F5: variants seen among roughly 807,000 people sequenced by gnomAD.
F5 encodes the protein coagulation factor V.
F5 carries 138 observed loss-of-function variants against 216.4 expected under a neutral mutation model. The observed-to-expected ratio is 0.64, with a 90% CI of 0.56 to 0.73. The LOEUF (loss-of-function observed/expected upper bound fraction) is 0.73, where lower values mean the gene tolerates loss of function less well. F5 is among the 30% of genes least tolerant of loss of function. The pLI, the probability that F5 is intolerant of heterozygous loss-of-function variation, is 0.00. For missense variants in F5, 2,403 were observed against 2,674.0 expected, an observed-to-expected ratio of 0.90 and a Z score of 2.24; for synonymous variants, 916 against 930.7, an observed-to-expected ratio of 0.98 and a Z score of 0.29.
At chr1:169,531,131 T>G in intron 14 of F5, 109 bp from the exon 15 acceptor site, 1 of 804,836 alleles carries the variant, frequency 1.2e-6, no homozygotes, top group Non-Finnish European at 2.1e-6. Flanking sequence ...GGAGCTAAGA[T>G]ATAAGGTACA....
chr1:169,551,843 AAGG>A (rs1252924321), intron 8 of F5, among the ~76,000 whole-genome samples: 2 of 152,186 alleles, frequency 1.3e-5, no homozygotes, highest in African/African-American at 4.8e-5. Context: ...CATGACATTT[AAGG>A]AGAATTGTCT....
intron 14 of F5, among the ~76,000 whole-genome samples, chr1:169,535,640 G>A (rs962527276): frequency 1.3e-5 from 2 of 152,076 alleles, no homozygotes; most frequent in African/African-American, 4.8e-5. Flanking sequence ...TCTGGTTTTT[G>A]ATTCCTGAGT....
intron 18 of F5, 70 bp downstream of exon 18, chr1:169,525,831 T>C: frequency 9.3e-7 from 1 of 1,071,498 alleles, no homozygotes. Context: ...ATTTCCAATC[T>C]AAAAGTTGGT....
At position 169,541,811 on chromosome 1, in the gene F5, C is replaced by A; in HGVS notation, c.3279G>T (p.Trp1093Cys). 1.9e-6 allele frequency: 3 copies of A among 1,614,054 alleles called. No homozygotes were observed. The highest frequency in any genetic ancestry group is 2.5e-6 in the Non-Finnish European group (3 of 1,179,994). Residue 1093 changes from tryptophan (W) to cysteine (C), a missense_variant, in exon 13 of 25, where the codon TGG becomes TGT. Transcript: ENST00000367797. ...GATTATGGTCAGGAAGTGAGGCTAT[C>A]CAGCCAAAATCCATAGAGGGCAATG... is the stretch of plus-strand genomic sequence containing the variant. ...NQTLPSMDFG[W>C]IASLPDHNQN...
chr1:169,537,829 A>G (rs1286086013), intron 13 of F5, among the ~76,000 whole-genome samples: 1 of 152,064 alleles, frequency 6.6e-6, no homozygotes, highest in Non-Finnish European at 1.5e-5. Context: ...CAAGAGATAA[A>G]TGTTGGCATG....
rs1660202743 is a variant in F5, at chr1:169,552,746, G to GT, written c.1119-13dup. The stretch of plus-strand genomic sequence containing the variant: ...GAGACCTGTATTTTCTTAAAGTGAA[G>GT]TAAAAAAAAATTAAACCACTTTCTC... On this transcript the variant is annotated splice_polypyrimidine_tract_variant and intron_variant, in intron 7 of 24. Transcript: ENST00000367797. 2 of 1,598,608 alleles carry GT rather than the reference G, an allele frequency of 1.3e-6. No homozygotes were observed. Among genetic ancestry groups the GT allele is most frequent in the Non-Finnish European group, 1.7e-6 (2 of 1,168,746 alleles).
At chr1:169,546,227 A>T (rs1659999646) in intron 11 of F5, among the ~76,000 whole-genome samples, 1 of 151,952 alleles carries the variant, frequency 6.6e-6, no homozygotes, top group Non-Finnish European at 1.5e-5. Flanking sequence ...TAGAAGATCA[A>T]ACGCATTTCT....
chr1:169,573,856 G>A (rs1057305363), intron 2 of F5, among the ~76,000 whole-genome samples: 1 of 152,208 alleles, frequency 6.6e-6, no homozygotes, highest in African/African-American at 2.4e-5. Flanking sequence ...GGGGAGTTAG[G>A]GAAAAAGTTG....
At chr1:169,550,292 C>CA (rs1660134589) in intron 9 of F5, among the ~76,000 whole-genome samples, 2 of 74,206 alleles carry the variant, frequency 2.7e-5, no homozygotes, top group East Asian at 4.7e-4. Context: ...CCCCCCACCC[C>CA]CCCCCCCCGA....
At chr1:169,567,250 G>A (rs1311137194) in intron 3 of F5, among the ~76,000 whole-genome samples, 9 of 151,882 alleles carry the variant, frequency 5.9e-5, no homozygotes, top group African/African-American at 2.2e-4. Flanking sequence ...AAAGGAGGGG[G>A]GAGGGATAGC....
At position 169,559,310 on chromosome 1, in the gene F5, G is replaced by A; in HGVS notation, c.587-14C>T. On this transcript the variant is annotated splice_polypyrimidine_tract_variant and intron_variant, in intron 4 of 24. Coordinates refer to ENST00000367797, the MANE Select transcript of F5 (RefSeq NM_000130.5). ...CAGTTAGGGTCCCTATGAAAGGAAAGACATGTTTTCAGTAGCACTGCAGAT... is the reference window on the plus strand; with the variant it reads ...CAGTTAGGGTCCCTATGAAAGGAAAAACATGTTTTCAGTAGCACTGCAGAT... The A allele has an allele frequency of 6.2e-7, 1 of 1,613,326 alleles. No individual in the cohort carries two copies. The highest frequency in any genetic ancestry group is 8.5e-7 in the Non-Finnish European group (1 of 1,179,524).
chr1:169,523,591 T>C (rs770794722), intron 20 of F5, among the ~76,000 whole-genome samples: 1 of 152,186 alleles, frequency 6.6e-6, no homozygotes, highest in Non-Finnish European at 1.5e-5. Flanking sequence ...TCTCTGTGCC[T>C]TTTGTTTTTT....
At chr1:169,556,145 A>G (rs929958259) in intron 6 of F5, among the ~76,000 whole-genome samples, 12 of 152,112 alleles carry the variant, frequency 7.9e-5, no homozygotes, top group African/African-American at 2.9e-4. Flanking sequence ...CTCACCCCTC[A>G]GTATATGCCA....
In F5 at chr1:169,564,178, G is replaced by C. The variant is rs538173271; in HGVS notation, c.374-3412C>G. Reference sequence around the variant, plus strand: ...GAACATAAACGATTACCGGCCCTGAGTAAGGTCCAGGGACTGTTCCACCTG... The same window carrying C: ...GAACATAAACGATTACCGGCCCTGACTAAGGTCCAGGGACTGTTCCACCTG... On this transcript the variant is annotated intron_variant, in intron 3 of 24. Transcript: ENST00000367797. Among the ~76,000 whole-genome samples, 3 of 152,136 alleles carry C rather than the reference G, an allele frequency of 2.0e-5. No homozygotes were observed. In the East Asian group the frequency reaches 5.8e-4, roughly 30 times the overall value.
chr1:169,542,916 T>A lies in F5; in HGVS notation c.2174A>T (p.Asp725Val). The stretch of plus-strand genomic sequence containing the variant: ...TGCTGCAGCCAGTCTGTTCTGGTAA[T>A]CATAGTCAGCATCACTCTCTTCATC... ...PEDEESDADY[D>V]YQNRLAAALG... is the part of the protein sequence containing the mutation. Residue 725 changes from aspartate (D) to valine (V), a missense_variant, in exon 13 of 25, where the codon GAT (aspartate) becomes GTT (valine). This residue lies in a region of F5 where 1,425 missense variants were observed against 1,554.8 expected (regional missense o/e 0.92). Coordinates refer to ENST00000367797, the MANE Select transcript of F5 (RefSeq NM_000130.5). The A allele has an allele frequency of 6.2e-7, 1 of 1,614,140 alleles. No individual in the cohort carries two copies. The highest frequency in any genetic ancestry group is 8.5e-7 in the Non-Finnish European group (1 of 1,179,990).
At chr1:169,544,756 A>G (rs1391799536) in intron 11 of F5, among the ~76,000 whole-genome samples, 2 of 152,210 alleles carry the variant, frequency 1.3e-5, no homozygotes, top group Admixed American at 6.5e-5. Flanking sequence ...ATTTACATTG[A>G]TTTAGTCATT....
chr1:169,539,498 TTAAA>T (rs562063307), intron 13 of F5, among the ~76,000 whole-genome samples: 181 of 152,266 alleles, frequency 1.2e-3, no homozygotes, highest in African/African-American at 4.2e-3. Context: ...AGTGCAACAT[TTAAA>T]TAGGAAGTCA....
chr1:169,563,352 GTTGGT>G (rs1660524031), intron 3 of F5, among the ~76,000 whole-genome samples: 1 of 151,942 alleles, frequency 6.6e-6, no homozygotes, highest in African/African-American at 2.4e-5. Context: ...TCTTGAATCT[GTTGGT>G]TTGTAGTTTA....
chr1:169,528,708 A>G (rs1472657525), intron 16 of F5, among the ~76,000 whole-genome samples: 1 of 152,192 alleles, frequency 6.6e-6, no homozygotes, highest in Non-Finnish European at 1.5e-5. Context: ...ACAGTAAAAT[A>G]CGCGGATTTT....
Sources: gnomAD v4.1 joint callset for allele counts (sites outside exome capture counted in the v4.1 genomes callset) on GRCh38, gnomAD v4.1.1 for gene constraint, gnomAD v4.1.1 regional missense constraint, MANE v1.5 for transcripts, NCBI Gene and HGNC (gene_info 2026-07-23, HGNC 2026-07-21) for gene names.